Variants in C19orf81 observed in about 807,000 individuals in gnomAD.
The protein encoded by C19orf81 is chromosome 19 open reading frame 81.
C19orf81 carries 19 observed loss-of-function variants against 22.1 expected under a neutral mutation model. The ratio of observed to expected loss-of-function variants is 0.86; its 90% confidence interval spans 0.60 to 1.26. C19orf81 has a LOEUF of 1.26. Among genes scored for constraint, C19orf81 ranks in the 50% most tolerant of loss-of-function variants. C19orf81 has a pLI of 0.00. For synonymous variants in C19orf81, 108 were observed against 113.1 expected, an observed-to-expected ratio of 0.95 and a Z score of 0.29; for missense variants, 287 against 280.7, an observed-to-expected ratio of 1.02 and a Z score of -0.16.
chr19:50,655,517 C>T (rs183018478), intron 1 of C19orf81, among the ~76,000 whole-genome samples: 94 of 151,996 alleles, frequency 6.2e-4, no homozygotes, highest in East Asian at 1.5e-3. Flanking sequence ...GGCGTGGTAG[C>T]GGGTGCCTGT....
chr19:50,658,347 G>C (rs979816598), intron 4 of C19orf81: 3 of 489,738 alleles, frequency 6.1e-6, no homozygotes, highest in African/African-American at 6.0e-5. Context: ...TTGGTGTAAG[G>C]GTGTTGTGAG....
rs749747622 is a variant in C19orf81, at chr19:50,649,526, C to CT, written c.67+18dup. On this transcript the variant is annotated intron_variant, in intron 1 of 4. Coordinates refer to ENST00000425202, the MANE Select transcript of C19orf81 (RefSeq NM_001195076.2). The stretch of plus-strand genomic sequence containing the variant: ...CAGGAAGGCAGGTACTGAGCTGTGT[C>CT]TTTGGGGGAAGGGGTGGACTTCCTC... 32 of 1,535,936 alleles carry CT rather than the reference C, an allele frequency of 2.1e-5. No homozygotes were observed. Among genetic ancestry groups the CT allele is most frequent in the Non-Finnish European group, 2.8e-5 (32 of 1,146,780 alleles).
chr19:50,659,201 C>T lies in C19orf81; in HGVS notation c.*59C>T, dbSNP rs1433311702. ...GCCCCGCGGGCTGGGGCCACCCACC[C>T]GGAGCCCCGGAGGACAGGGGGCGTT... On this transcript the variant is annotated 3_prime_UTR_variant, in exon 5 of 5. Coordinates refer to ENST00000425202, the MANE Select transcript of C19orf81 (RefSeq NM_001195076.2). 2 of 1,248,360 alleles carry T rather than the reference C, an allele frequency of 1.6e-6. No homozygotes were observed. Among genetic ancestry groups the T allele is most frequent in the African/African-American group, 1.6e-5 (1 of 63,912 alleles). 77.3% of individuals were successfully genotyped at this position (1,248,360 alleles called of 1,614,324 possible).
chr19:50,649,663 A>G (rs768954396), intron 1 of C19orf81, 152 bp downstream of exon 1: 4 of 888,638 alleles, frequency 4.5e-6, no homozygotes, highest in Non-Finnish European at 7.2e-6. Flanking sequence ...ATTCCTGGAG[A>G]GCGGCCCCCT....
chr19:50,658,801 G>T, intron 4 of C19orf81, 146 bp from the exon 5 acceptor site: 1 of 656,504 alleles, frequency 1.5e-6, no homozygotes, highest in Non-Finnish European at 2.3e-6. Flanking sequence ...AGAGGGCAGG[G>T]CTGGAGGGGA....
At chr19:50,649,704 C>T in intron 1 of C19orf81, 193 bp downstream of exon 1, 1 of 707,328 alleles carries the variant, frequency 1.4e-6, no homozygotes, top group Non-Finnish European at 2.5e-6. Flanking sequence ...CCATGAGCCT[C>T]TGCAGTTCCT....
At position 50,659,118 on chromosome 19, in the gene C19orf81, G is replaced by A. The variant is rs1156326975; in HGVS notation, c.573G>A (p.Gly191=). 2.1e-6 allele frequency: 3 copies of A among 1,440,806 alleles called. No homozygotes were observed. The highest frequency in any genetic ancestry group is 2.7e-6 in the Non-Finnish European group (3 of 1,096,876). 89.3% of individuals were successfully genotyped at this position (1,440,806 alleles called of 1,614,324 possible). ...GGCGGCGCATGCTCGAGGCCCTGGG[G>A]GCGGAGCCGAACGAGGAGGCCTGAC... ...LVRRRMLEAL[G]AEPNEEA Residue 191 remains glycine, a synonymous_variant, in exon 5 of 5, where the codon GGG becomes GGA. Transcript: ENST00000425202.
At chr19:50,656,380 T>A in intron 3 of C19orf81, 34 bp downstream of exon 3, 2 of 1,513,732 alleles carry the variant, frequency 1.3e-6, no homozygotes, top group Non-Finnish European at 1.8e-6. Context: ...TTCTGCACAG[T>A]TTTGGTGGGG....
At chr19:50,653,353 T>C (rs900963076) in intron 1 of C19orf81, among the ~76,000 whole-genome samples, 3 of 152,104 alleles carry the variant, frequency 2.0e-5, no homozygotes, top group African/African-American at 7.2e-5. Context: ...TGGAAAGTAT[T>C]TTTTAAAGTG....
At chr19:50,656,007 G>A (rs1334528091) in intron 1 of C19orf81, 43 bp from the exon 2 acceptor site, 2 of 1,524,826 alleles carry the variant, frequency 1.3e-6, no homozygotes, top group Non-Finnish European at 8.8e-7. Context: ...AATCATGGCT[G>A]AGGAGGGCTC....
intron 4 of C19orf81, 67 bp downstream of exon 4, chr19:50,658,195 G>A: frequency 2.1e-6 from 3 of 1,463,312 alleles, no homozygotes; most frequent in Non-Finnish European, 2.7e-6. Context: ...GACCGGGTAA[G>A]AGCGTGGTTG....
chr19:50,651,766 T>G (rs947983611), intron 1 of C19orf81, among the ~76,000 whole-genome samples: 6 of 152,178 alleles, frequency 3.9e-5, no homozygotes, highest in African/African-American at 1.2e-4. Context: ...AGTACTTATT[T>G]TTAAGTTTAT....
rs1473258785 is a variant in C19orf81 at position 50,659,177 on chromosome 19, C to T, written c.*35C>T. ...GGGCCCCGGCAGCGCTTGCGCACCG[C>T]CCCGCGGGCTGGGGCCACCCACCCG... On this transcript the variant is annotated 3_prime_UTR_variant, in exon 5 of 5. Coordinates refer to ENST00000425202, the MANE Select transcript of C19orf81 (RefSeq NM_001195076.2). The T allele has an allele frequency of 7.8e-7, 1 of 1,279,590 alleles. No individual in the cohort carries two copies. Among genetic ancestry groups the T allele is most frequent in the Non-Finnish European group, 9.9e-7 (1 of 1,013,986 alleles). 79.3% of individuals were successfully genotyped at this position (1,279,590 alleles called of 1,614,324 possible).
At chr19:50,657,386 A>G (rs1326637188) in intron 3 of C19orf81, among the ~76,000 whole-genome samples, 1 of 152,026 alleles carries the variant, frequency 6.6e-6, no homozygotes, top group East Asian at 1.9e-4. Context: ...AATCGTGAAA[A>G]TTTTCATTTC....
At chr19:50,654,320 T>C (rs1984944816) in intron 1 of C19orf81, among the ~76,000 whole-genome samples, 1 of 152,136 alleles carries the variant, frequency 6.6e-6, no homozygotes, top group African/African-American at 2.4e-5. Context: ...TTTTTGTTTT[T>C]GAGATGGAGT....
chr19:50,651,940 G>T (rs1289897254), intron 1 of C19orf81, among the ~76,000 whole-genome samples: 3 of 152,086 alleles, frequency 2.0e-5, no homozygotes, highest in Admixed American at 2.0e-4. Flanking sequence ...TGCTGCTAGA[G>T]TTACTTTTTG....
At chr19:50,650,582 A>C (rs953278813) in intron 1 of C19orf81, among the ~76,000 whole-genome samples, 3 of 152,128 alleles carry the variant, frequency 2.0e-5, no homozygotes, top group Non-Finnish European at 4.4e-5. Flanking sequence ...GAGGCAGGAG[A>C]ATCGCTTGAA....
chr19:50,649,588 T>C, intron 1 of C19orf81, 77 bp downstream of exon 1: 2 of 1,462,552 alleles, frequency 1.4e-6, no homozygotes, highest in African/African-American at 1.4e-5. Context: ...GCTCACAGTG[T>C]GGCCTTAAGC....
At position 50,652,234 on chromosome 19, in the gene C19orf81, C is replaced by T. The variant is rs918481017; in HGVS notation, c.67+2723C>T. Among the ~76,000 whole-genome samples, 17 of 152,190 alleles carry T rather than the reference C, an allele frequency of 1.1e-4. No individual in the cohort carries two copies. The East Asian group carries it at 3.3e-3, about 29-fold the overall frequency. On this transcript the variant is annotated intron_variant, in intron 1 of 4. Transcript: ENST00000425202. ...CAAAATTGTATTTTTTTATAGTTGG[C>T]TTGTTTAAATTAGGGCCCAAACAAA...
Sources: gnomAD v4.1 joint callset for allele counts (sites outside exome capture counted in the v4.1 genomes callset) on GRCh38, gnomAD v4.1.1 for gene constraint, MANE v1.5 for transcripts, NCBI Gene and HGNC (gene_info 2026-07-23, HGNC 2026-07-21) for gene names.